Variants in CARS1 observed in about 807,000 individuals in gnomAD.
CARS1 encodes the protein cysteinyl-tRNA synthetase 1, also known as cysteine--tRNA ligase, cytoplasmic.
In CARS1, 48 loss-of-function variants were observed where a neutral mutation model predicts 106.2. The ratio of observed to expected loss-of-function variants is 0.45; its 90% CI spans 0.36 to 0.57. CARS1 has a LOEUF of 0.57. CARS1 is among the 20% of genes least tolerant of loss of function. CARS1 has a pLI of 0.00. For missense variants in CARS1, 968 were observed against 1,057.2 expected (o/e 0.92, Z 1.17); for synonymous variants, 409 against 403.4 (o/e 1.01, Z -0.17).
At chr11:3,026,612 G>A in intron 10 of CARS1, 64 bp downstream of exon 10, 2 of 1,584,752 alleles carry the variant, frequency 1.3e-6, no homozygotes, top group Middle Eastern at 2.2e-4. Context: ...GGCCTGCAAA[G>A]TCAACACAAC....
At chr11:3,002,913 C>T (rs1849528855) in intron 20 of CARS1, among the ~76,000 whole-genome samples, 1 of 152,184 alleles carries the variant, frequency 6.6e-6, no homozygotes, top group South Asian at 2.1e-4. Context: ...AAGAAATGGA[C>T]CAGCATGGTG....
At chr11:3,042,112 G>C in intron 3 of CARS1, 53 bp downstream of exon 3, 1 of 1,366,758 alleles carries the variant, frequency 7.3e-7, no homozygotes, top group East Asian at 2.3e-5. Context: ...GGGCTGTCCT[G>C]CCTCCTGCCT....
Position 3,048,414 on chromosome 11 carries a change from G to A in CARS1, c.26-413C>T, listed in dbSNP as rs1313235107. ...TCACAAATTACACAGTTCAGTTTCT[G>A]ACATTTGGGGAAATCATAGGGGTCA... On this transcript the variant is annotated intron_variant, in intron 1 of 22. Coordinates refer to ENST00000380525, the MANE Select transcript of CARS1 (RefSeq NM_001014437.3). This position sits in a 1 kb window ranked among gnomAD's most constrained non-coding sequence, Gnocchi z 5.1. The A allele has an allele frequency of 1.2e-5, 2 of 162,678 alleles. No homozygotes were observed. The highest frequency in any genetic ancestry group is 4.8e-5 in the African/African-American group (2 of 41,778). 10.1% of individuals were successfully genotyped at this position (162,678 alleles called of 1,614,324 possible).
chr11:3,004,429 T>G lies in CARS1; in HGVS notation c.2217+937A>C, dbSNP rs1381628415. Reference sequence around the variant, plus strand: ...CAACCACCCTGTCGATTCTCCTTCCTCAGTTCCTCCCAGAGCCTCCTTCCT... The same window carrying G: ...CAACCACCCTGTCGATTCTCCTTCCGCAGTTCCTCCCAGAGCCTCCTTCCT... On this transcript the variant is annotated intron_variant, in intron 20 of 22. Coordinates refer to ENST00000380525, the MANE Select transcript of CARS1 (RefSeq NM_001014437.3). This position sits in a 1 kb window ranked among gnomAD's most constrained non-coding sequence, Gnocchi z 5.2. Among the ~76,000 whole-genome samples, 1 of 152,174 alleles carries G rather than the reference T, an allele frequency of 6.6e-6. No homozygotes were observed. The highest frequency in any genetic ancestry group is 2.4e-5 in the African/African-American group (1 of 41,434).
chr11:3,046,129 T>TG lies in CARS1; in HGVS notation c.274+1623_274+1624insC, dbSNP rs1855050227. On this transcript the variant is annotated intron_variant, in intron 2 of 22. Transcript: ENST00000380525. The surrounding 1 kb of genome is among the most constrained non-coding windows in gnomAD (Gnocchi z 5.8). ...GCAACTCCATTAGTGCTATCCATGG[T>TG]CCATTCTGTTACACAGCAACGTGGC... Among the ~76,000 whole-genome samples the TG allele has an allele frequency of 6.6e-6, 1 of 152,186 alleles. No homozygotes were observed. The highest frequency in any genetic ancestry group is 1.5e-5 in the Non-Finnish European group (1 of 68,018).
intron 17 of CARS1, among the ~76,000 whole-genome samples, chr11:3,014,076 T>C (rs931612081): frequency 2.0e-5 from 3 of 152,136 alleles, no homozygotes; most frequent in Non-Finnish European, 4.4e-5. Flanking sequence ...GGGTTTTCGA[T>C]CTGTATCTCC....
Position 3,019,308 on chromosome 11 carries a change from G to T in CARS1, c.1267-41C>A, listed in dbSNP as rs1458242875. On this transcript the variant is annotated intron_variant, in intron 11 of 22. Coordinates refer to ENST00000380525, the MANE Select transcript of CARS1 (RefSeq NM_001014437.3). The surrounding 1 kb of genome is among the most constrained non-coding windows in gnomAD (Gnocchi z 6.2). ...CACACAGTGACTGACCAGCCTACCC[G>T]CTTGTCCAGGCCTTTATCACTTATC... is the stretch of plus-strand genomic sequence containing the variant. 1 of 1,373,576 alleles carries T rather than the reference G, an allele frequency of 7.3e-7. No homozygotes were observed. The highest frequency in any genetic ancestry group is 1.5e-5 in the African/African-American group (1 of 67,374). 85.1% of individuals were successfully genotyped at this position (1,373,576 alleles called of 1,614,324 possible). A position where few individuals can be genotyped will look rare whatever the true frequency, so the allele number is the denominator to read the frequency against.
At chr11:3,051,931 G>A (rs1194166442) in intron 1 of CARS1, among the ~76,000 whole-genome samples, 1 of 152,214 alleles carries the variant, frequency 6.6e-6, no homozygotes, top group Non-Finnish European at 1.5e-5. Flanking sequence ...ACAGCGAGCT[G>A]ACAGTCACGT....
At position 3,046,893 on chromosome 11, in the gene CARS1, C is replaced by T. The variant is rs1334764755; in HGVS notation, c.274+860G>A. On this transcript the variant is annotated intron_variant, in intron 2 of 22. Transcript: ENST00000380525. This position sits in a 1 kb window ranked among gnomAD's most constrained non-coding sequence, Gnocchi z 5.8. ...TATCTCCCGCAAATAACCACAGGCA[C>T]GTTCCACAGACACAACCAGCACCAA... 1.3e-5 allele frequency among the ~76,000 whole-genome samples: 2 copies of T among 152,260 alleles called. No individual in the cohort carries two copies. Among genetic ancestry groups the T allele is most frequent in the East Asian group, 1.9e-4 (1 of 5,182 alleles).
chr11:3,019,485 G>A lies in CARS1; in HGVS notation c.1267-218C>T, dbSNP rs1237455441. Among the ~76,000 whole-genome samples the A allele has an allele frequency of 6.6e-6, 1 of 152,146 alleles. No individual in the cohort carries two copies. The highest frequency in any genetic ancestry group is 6.5e-5 in the Admixed American group (1 of 15,286). ...CCGAGGCAGACGGATCACCAGGTCA[G>A]GAGTTCAAGACCAGCCTGGCCAACA... On this transcript the variant is annotated intron_variant, in intron 11 of 22. Transcript: ENST00000380525. This position sits in a 1 kb window ranked among gnomAD's most constrained non-coding sequence, Gnocchi z 6.2.
Position 3,006,873 on chromosome 11 carries a change from A to G in CARS1, c.2149+6T>C. The G allele has an allele frequency of 1.2e-6, 2 of 1,612,358 alleles. No homozygotes were observed. The highest frequency in any genetic ancestry group is 2.7e-5 in the African/African-American group (2 of 75,050). ...ACTTTGTAGCAAACAGCAAGGGCTC[A>G]CCCACCTTCGTGGTCTTCAAACCGC... On this transcript the variant is annotated splice_donor_region_variant and intron_variant, in intron 19 of 22. Transcript: ENST00000380525.
At position 3,041,263 on chromosome 11, in the gene CARS1, T is replaced by C. The variant is rs1044455823; in HGVS notation, c.367-279A>G. The C allele has an allele frequency of 2.2e-6, 1 of 457,668 alleles. No individual in the cohort carries two copies. The highest frequency in any genetic ancestry group is 4.0e-6 in the Non-Finnish European group (1 of 253,148). 28.4% of individuals were successfully genotyped at this position (457,668 alleles called of 1,614,324 possible). A position where few individuals can be genotyped will look rare whatever the true frequency, so the allele number is the denominator to read the frequency against. On this transcript the variant is annotated intron_variant, in intron 3 of 22. Transcript: ENST00000380525. The surrounding 1 kb of genome is among the most constrained non-coding windows in gnomAD (Gnocchi z 4.9). ...CGATAAAGGGAATCAATGATTTTAT[T>C]GATTGTTGAAATGCTGCTTATTTAA...
chr11:3,027,306 G>A (rs1852186849), intron 9 of CARS1: 1 of 155,442 alleles, frequency 6.4e-6, no homozygotes, highest in Admixed American at 6.4e-5. Context: ...CTGCTTAAGA[G>A]TCTGCCCCGT....
At chr11:3,006,189 G>A (rs1299506818) in intron 19 of CARS1, among the ~76,000 whole-genome samples, 2 of 152,194 alleles carry the variant, frequency 1.3e-5, no homozygotes, top group African/African-American at 2.4e-5. Context: ...CTGGGCATGT[G>A]GCTCATGCCA....
intron 18 of CARS1, among the ~76,000 whole-genome samples, chr11:3,011,052 C>A (rs927527614): frequency 3.9e-5 from 6 of 152,234 alleles, no homozygotes; most frequent in Admixed American, 6.5e-5. Flanking sequence ...GCTCTCCTTT[C>A]CTCTTTTGGA....
rs762870930 is a variant in CARS1, at chr11:3,017,199, G to A, written c.1824C>T (p.Cys608=). ...MEEMRALVSQ[C]NLYMAARKAV... ...CTTTCCGGGCTGCCATATAGAGGTT[G>A]CACTGACTGACCAAGGCCCGCATCT... Residue 608 remains cysteine (C), a synonymous_variant, in exon 16 of 23, where the codon TGC becomes TGT. Transcript: ENST00000380525. The surrounding 1 kb of genome is among the most constrained non-coding windows in gnomAD (Gnocchi z 4.9). 2 of 1,614,072 alleles carry A rather than the reference G, an allele frequency of 1.2e-6. No homozygotes were observed. The highest frequency in any genetic ancestry group is 2.7e-5 in the African/African-American group (2 of 74,940).
rs1855390285 is a variant in CARS1 at position 3,048,964 on chromosome 11, G to C, written c.26-963C>G. On this transcript the variant is annotated intron_variant, in intron 1 of 22. Coordinates refer to ENST00000380525, the MANE Select transcript of CARS1 (RefSeq NM_001014437.3). The surrounding 1 kb of genome is among the most constrained non-coding windows in gnomAD (Gnocchi z 5.1). Reference sequence around the variant, plus strand: ...CATGTCACCATTGGGAGGAGGAGCAGAACCCTAACTTTCACCACTGCCAGC... The same window carrying C: ...CATGTCACCATTGGGAGGAGGAGCACAACCCTAACTTTCACCACTGCCAGC... 6.6e-6 allele frequency among the ~76,000 whole-genome samples: 1 copy of C among 152,184 alleles called. No individual in the cohort carries two copies. Among genetic ancestry groups the C allele is most frequent in the African/African-American group, 2.4e-5 (1 of 41,444 alleles).
At chr11:3,032,046 C>T in intron 7 of CARS1, among the ~76,000 whole-genome samples, 3 of 21,156 alleles carry the variant, frequency 1.4e-4, no homozygotes, top group Non-Finnish European at 2.9e-4. Flanking sequence ...CTCCCTCCCT[C>T]CCTCCCTCCC....
chr11:3,035,926 C>G (rs765790390), intron 7 of CARS1, among the ~76,000 whole-genome samples: 3 of 152,218 alleles, frequency 2.0e-5, no homozygotes, highest in Non-Finnish European at 4.4e-5. Flanking sequence ...GCTAAGAGGC[C>G]GGGAAACCCA....
Sources: allele counts gnomAD v4.1 joint callset (sites outside exome capture counted in the v4.1 genomes callset), GRCh38; gene constraint gnomAD v4.1.1; non-coding constraint Gnocchi (gnomAD v3.1); transcripts MANE v1.5; gene names NCBI Gene and HGNC (gene_info 2026-07-23, HGNC 2026-07-21).